ANAPC15: variants seen among roughly 807,000 people sequenced by gnomAD.
ANAPC15 encodes anaphase-promoting complex subunit 15.
A neutral mutation model predicts 19.8 loss-of-function variants in ANAPC15; 13 were observed. The observed-to-expected ratio is 0.66, with a 90% CI of 0.43 to 1.04. ANAPC15 has a LOEUF of 1.04. ANAPC15 is among the 50% of genes least tolerant of loss of function. ANAPC15 has a pLI of 0.00. For missense variants in ANAPC15, 88 were observed against 150.3 expected (o/e 0.59, Z 2.17); for synonymous variants, 45 against 50.7 (o/e 0.89, Z 0.47).
At chr11:72,106,800 G>C (rs1175270024), downstream of ANAPC15, 1 of 152,396 alleles carries the variant, frequency 6.6e-6, no homozygotes, top group Admixed American at 6.5e-5. Context: ...AATTACCCAG[G>C]CATGGTGGCA....
chr11:72,110,691 A>T, intron 3 of ANAPC15, 88 bp from the exon 4 acceptor site: 1 of 1,437,776 alleles, frequency 7.0e-7, no homozygotes. Context: ...CCAGAAGACA[A>T]CCCACACGTG....
downstream of ANAPC15, chr11:72,108,168 C>A: frequency 7.0e-7 from 1 of 1,425,040 alleles, no homozygotes; most frequent in African/African-American, 1.4e-5. Context: ...CCAGGCCTTG[C>A]CCCCAGACAT....
intron 1 of ANAPC15, 115 bp from the exon 2 acceptor site, chr11:72,111,611 G>A: frequency 4.6e-6 from 1 of 215,248 alleles, no homozygotes; most frequent in Non-Finnish European, 9.6e-6. Context: ...GAGAATGGGA[G>A]TCAAGTGTAG....
At chr11:72,110,308 G>T in intron 4 of ANAPC15, 83 bp from the exon 5 acceptor site, 2 of 1,598,428 alleles carry the variant, frequency 1.3e-6, no homozygotes, top group Non-Finnish European at 8.5e-7. Flanking sequence ...CTCTCTCTAG[G>T]GCCAATGAAT....
rs543014197 is a variant in ANAPC15, at chr11:72,110,645, A to G, written c.121-42T>C. On this transcript the variant is annotated intron_variant, in intron 3 of 5. Coordinates refer to ENST00000227618, the MANE Select transcript of ANAPC15 (RefSeq NM_014042.3). The stretch of plus-strand genomic sequence containing the variant: ...AGAGGAACAAGGCCAGAGCCCAAGT[A>G]GGGCAGGTCAGGGGCATGGGACTGG... 17 of 1,612,586 alleles carry G rather than the reference A, an allele frequency of 1.1e-5. No homozygotes were observed. In the South Asian group the frequency reaches 1.8e-4, roughly 17 times the overall value.
rs754429046 is a variant in ANAPC15, at chr11:72,111,253, G to T, written c.24C>A (p.Leu8=). 43 of 1,613,824 alleles carry T rather than the reference G, an allele frequency of 2.7e-5. No individual in the cohort carries two copies. The highest frequency in any genetic ancestry group is 3.3e-4 in the Middle Eastern group (2 of 6,084). Residue 8 remains leucine, a synonymous_variant, in exon 3 of 6, where the codon CTC becomes CTA. Coordinates refer to ENST00000227618, the MANE Select transcript of ANAPC15 (RefSeq NM_014042.3). ...ACAGAGTCTCAGTCACACGAGGGAA[G>T]AGTGAGGGGAACAAAGTGGACATGG... MSTLFPS[L]FPRVTETLWF...
In ANAPC15 at chr11:72,111,137, T is replaced by C. The variant is rs201181070; in HGVS notation, c.120+20A>G. 525 of 1,350,472 alleles carry C rather than the reference T, an allele frequency of 3.9e-4. 1 individual carries two copies. Among genetic ancestry groups the C allele is most frequent in the Non-Finnish European group, 4.8e-4 (480 of 1,006,738 alleles). The allele number at this position is 1,350,472 out of a possible 1,614,324, so 83.7% of individuals were successfully genotyped here. The stretch of plus-strand genomic sequence containing the variant: ...TCTGTCTGTGCTGAGGTCTCTGTGC[T>C]GTGCTAGCTGCTCACTCACCCAGGC... On this transcript the variant is annotated intron_variant, in intron 3 of 5. Transcript: ENST00000227618.
rs1332102965 is a variant in ANAPC15 at position 72,111,299 on chromosome 11, G to A, written c.-10-13C>T. Reference sequence around the variant, plus strand: ...CATGGCTCCTAGACTGAGGGAAAGGGTCAAGTGAATGTGTTTTGCTTTGTT... The same window carrying A: ...CATGGCTCCTAGACTGAGGGAAAGGATCAAGTGAATGTGTTTTGCTTTGTT... On this transcript the variant is annotated splice_polypyrimidine_tract_variant and intron_variant, in intron 2 of 5. Transcript: ENST00000227618. The A allele has an allele frequency of 3.2e-6, 5 of 1,570,668 alleles. No individual in the cohort carries two copies. Among genetic ancestry groups the A allele is most frequent in the East Asian group, 2.2e-5 (1 of 44,528 alleles).
chr11:72,109,849 G>T lies in ANAPC15; in HGVS notation c.*32C>A. ...ATGCAGGGTAGTTTGGGCTGGCCTG[G>T]AATCTCCCTGAGGCCACCCTGCCTT... On this transcript the variant is annotated 3_prime_UTR_variant, in exon 6 of 6. Transcript: ENST00000227618. 6.2e-7 allele frequency: 1 copy of T among 1,612,244 alleles called. No homozygotes were observed. Among genetic ancestry groups the T allele is most frequent in the Admixed American group, 1.7e-5 (1 of 60,022 alleles).
intron 2 of ANAPC15, 51 bp downstream of exon 2, chr11:72,111,361 A>G (rs1004121307): frequency 3.3e-6 from 4 of 1,195,624 alleles, no homozygotes; most frequent in Non-Finnish European, 3.7e-6. Flanking sequence ...ATTTAGGGAT[A>G]GGGTGGAAGA....
downstream of ANAPC15, chr11:72,107,194 G>T: frequency 2.0e-6 from 1 of 498,398 alleles, no homozygotes; most frequent in Non-Finnish European, 3.5e-6. Flanking sequence ...CTGAGCCTGG[G>T]TGGTCAAGGC....
rs202222531 is a variant in ANAPC15 at position 72,110,590 on chromosome 11, G to A, written c.134C>T (p.Ala45Val). Residue 45 changes from alanine to valine, a missense_variant, in exon 4 of 6, where the codon GCG (alanine) becomes GTG (valine). By Grantham distance (64) the Ala-to-Val change is moderately conservative (BLOSUM62 0). Coordinates refer to ENST00000227618, the MANE Select transcript of ANAPC15 (RefSeq NM_014042.3). ...QQHQAWLQSIAEKDNNLVPIG... is the reference protein window; with the variant it reads ...QQHQAWLQSIVEKDNNLVPIG... ...AGGAACCAGGTTGTTGTCTTTCTCCGCGATGCTTTGGAGCTGTGGGCAAAG... is the reference window on the plus strand; with the variant it reads ...AGGAACCAGGTTGTTGTCTTTCTCCACGATGCTTTGGAGCTGTGGGCAAAG... 4.5e-5 allele frequency: 72 copies of A among 1,614,198 alleles called. No homozygotes were observed. The highest frequency in any genetic ancestry group is 5.5e-5 in the South Asian group (5 of 91,088).
rs756382677 is a variant in ANAPC15, at chr11:72,110,202, C to T, written c.204G>A (p.Glu68=). 2 of 1,614,062 alleles carry T rather than the reference C, an allele frequency of 1.2e-6. No individual in the cohort carries two copies. The highest frequency in any genetic ancestry group is 1.7e-6 in the Non-Finnish European group (2 of 1,180,022). ...ASEHYDDEEE[E]DDEDDEDSEE... ...CACTATCCTCATCATCTTCATCATC[C>T]TCTTCTTCCTCGTCATCATAGTGCT... is the stretch of plus-strand genomic sequence containing the variant. The change falls in exon 5 of 6, where the codon GAG becomes GAA. Residue 68 remains glutamate (E), a synonymous_variant. Coordinates refer to ENST00000227618, the MANE Select transcript of ANAPC15 (RefSeq NM_014042.3).
At chr11:72,106,751 G>A (rs1173151653), downstream of ANAPC15, 1 of 152,086 alleles carries the variant, frequency 6.6e-6, no homozygotes, top group Non-Finnish European at 1.5e-5. Flanking sequence ...GACCGGCTTG[G>A]GCAACATGGC....
downstream of ANAPC15, among the ~76,000 whole-genome samples, chr11:72,108,297 C>T (rs1306789980): frequency 6.6e-6 from 1 of 152,198 alleles, no homozygotes; most frequent in Non-Finnish European, 1.5e-5. Flanking sequence ...TTATTTTCTG[C>T]CGGATGACGA....
chr11:72,108,531 C>A, downstream of ANAPC15: 1 of 1,349,952 alleles, frequency 7.4e-7, no homozygotes, highest in Non-Finnish European at 9.8e-7. Flanking sequence ...ATGAAGTAAG[C>A]CAGATCCTGG....
At chr11:72,109,076 T>C (rs1335925790), downstream of ANAPC15, 7 of 669,318 alleles carry the variant, frequency 1.0e-5, no homozygotes, top group Non-Finnish European at 1.5e-5. Context: ...TCTTTCAGCC[T>C]CTACACTGAC....
chr11:72,110,378 C>A (rs1946427594), intron 4 of ANAPC15, 153 bp from the exon 5 acceptor site: 2 of 1,535,862 alleles, frequency 1.3e-6, no homozygotes, highest in African/African-American at 2.7e-5. Context: ...TTCTGCAGGA[C>A]CTTAATGCTA....
intron 3 of ANAPC15, 180 bp from the exon 4 acceptor site, chr11:72,110,783 C>G (rs551610868): frequency 3.0e-5 from 19 of 632,864 alleles, no homozygotes; most frequent in Non-Finnish European, 4.6e-5. Flanking sequence ...GATCCAAATA[C>G]TTAAACTCTC....
Sources: allele counts gnomAD v4.1 joint callset (sites outside exome capture counted in the v4.1 genomes callset), GRCh38; gene constraint gnomAD v4.1.1; transcripts MANE v1.5; gene names NCBI Gene and HGNC (gene_info 2026-07-23, HGNC 2026-07-21).